PRDM10: variants seen among roughly 807,000 people sequenced by gnomAD.
PRDM10 encodes the protein PR/SET domain 10, also known as PR domain zinc finger protein 10.
A neutral mutation model predicts 133.1 loss-of-function variants in PRDM10; 65 were observed. That is an observed-to-expected ratio of 0.49 (90% CI 0.40 to 0.60). The LOEUF (loss-of-function observed/expected upper bound fraction) is 0.60, where lower values mean the gene tolerates loss of function less well. Ranked by LOEUF, PRDM10 falls within the 20% of genes least tolerant of loss-of-function variation. The pLI, the probability that PRDM10 is intolerant of heterozygous loss-of-function variation, is 0.00. For synonymous variants in PRDM10, 582 were observed against 580.4 expected (o/e 1.00, Z -0.04); for missense variants, 1,137 against 1,507.1 (o/e 0.75, Z 4.07).
At position 129,910,620 on chromosome 11, in the gene PRDM10, C is replaced by A; in HGVS notation, c.3019G>T (p.Ala1007Ser). The A allele has an allele frequency of 1.2e-6, 2 of 1,605,312 alleles. No individual in the cohort carries two copies. The highest frequency in any genetic ancestry group is 1.7e-6 in the Non-Finnish European group (2 of 1,174,650). ...GQPLSPSAQQ[A>S]QQGLSPSHIQ... ...TGGGAGGGGCTGAGCCCCTGCTGAG[C>A]CTGCTGGGCTGAGGGACTCAACGGC... The change falls in exon 19 of 21, where the codon GCT (alanine) becomes TCT (serine). Residue 1007 changes from alanine (A) to serine (S), a missense_variant. This residue lies in a region of PRDM10 where 243 missense variants were observed against 259.2 expected (regional missense o/e 0.94). Transcript: ENST00000360871.
intron 10 of PRDM10, among the ~76,000 whole-genome samples, chr11:129,931,566 A>ATTTTTTTTTTTTTTTTTTTTTT (rs1164067658): frequency 1.6e-5 from 2 of 124,404 alleles, no homozygotes. Flanking sequence ...TTTTTATTTT[A>ATTTTTTTTTTTTTTTTTTTTTT]TTTTATTTTA....
rs1161431213 is a variant in PRDM10 at position 129,947,382 on chromosome 11, T to C, written c.295-12A>G. 1.9e-6 allele frequency: 3 copies of C among 1,614,010 alleles called. No homozygotes were observed. The highest frequency in any genetic ancestry group is 2.2e-5 in the South Asian group (2 of 91,080). ...ACTGGCAATGAGGCCTGGGCAAAAG[T>C]TGAAGGCACAGAGTAAGCAGACATG... On this transcript the variant is annotated splice_polypyrimidine_tract_variant and intron_variant, in intron 4 of 20. Transcript: ENST00000360871. The surrounding 1 kb of genome is among the most constrained non-coding windows in gnomAD (Gnocchi z 4.6).
At chr11:129,944,740 C>A (rs1951348627) in intron 6 of PRDM10, 31 bp downstream of exon 6, 2 of 1,611,696 alleles carry the variant, frequency 1.2e-6, no homozygotes, top group African/African-American at 1.3e-5. Flanking sequence ...TGGTAAAGGA[C>A]AGGAGTGAAG....
intron 20 of PRDM10, among the ~76,000 whole-genome samples, chr11:129,903,252 C>T (rs979896068): frequency 3.3e-5 from 5 of 150,916 alleles, no homozygotes; most frequent in African/African-American, 4.9e-5. Context: ...GAGTTGAGAT[C>T]GTGCCATTGC....
intron 3 of PRDM10, among the ~76,000 whole-genome samples, chr11:129,955,954 T>G (rs1176310637): frequency 6.6e-6 from 1 of 152,122 alleles, no homozygotes; most frequent in Non-Finnish European, 1.5e-5. Context: ...AGACTTGTGA[T>G]GAAATGAAAA....
Position 129,947,586 on chromosome 11 carries a change from C to T in PRDM10, c.295-216G>A. 1.4e-6 allele frequency: 2 copies of T among 1,413,640 alleles called. No individual in the cohort carries two copies. Among genetic ancestry groups the T allele is most frequent in the East Asian group, 2.5e-5 (1 of 39,612 alleles). The allele number at this position is 1,413,640 out of a possible 1,614,324, so 87.6% of individuals were successfully genotyped here. A position where few individuals can be genotyped will look rare whatever the true frequency, so the allele number is the denominator to read the frequency against. Reference sequence around the variant, plus strand: ...TGCTCACAGCCTTTAAGCCTCTGCCCTCCCTCTGCCCCTTCTGTCCCACAC... The same window carrying T: ...TGCTCACAGCCTTTAAGCCTCTGCCTTCCCTCTGCCCCTTCTGTCCCACAC... On this transcript the variant is annotated intron_variant, in intron 4 of 20. Transcript: ENST00000360871. This position sits in a 1 kb window ranked among gnomAD's most constrained non-coding sequence, Gnocchi z 4.6.
chr11:129,994,270 G>GTCTTGAGACCTGAGGTCAGGAGTT (rs1565517422), intron 1 of PRDM10, among the ~76,000 whole-genome samples: 3 of 151,168 alleles, frequency 2.0e-5, no homozygotes, highest in African/African-American at 7.4e-5. Flanking sequence ...GACCAGCCTG[G>GTCTTGAGACCTGAGGTCAGGAGTT]CCAACATGGC....
At position 129,925,355 on chromosome 11, in the gene PRDM10, G is replaced by A. The variant is rs538465766; in HGVS notation, c.1531-126C>T. ...ACTTCCCATAGAAGTTCAACTCTAG[G>A]ACACACACAGTTGAAAGGAGATTTT... On this transcript the variant is annotated intron_variant, in intron 11 of 20. Coordinates refer to ENST00000360871, the MANE Select transcript of PRDM10 (RefSeq NM_199437.2). 3.4e-6 allele frequency: 3 copies of A among 876,546 alleles called. No homozygotes were observed. The South Asian group carries it at 5.6e-5, about 16-fold the overall frequency. The allele number at this position is 876,546 out of a possible 1,614,324, so 54.3% of individuals were successfully genotyped here. A position where few individuals can be genotyped will look rare whatever the true frequency, so the allele number is the denominator to read the frequency against.
intron 20 of PRDM10, among the ~76,000 whole-genome samples, chr11:129,903,871 C>A (rs1949925305): frequency 6.6e-6 from 1 of 152,046 alleles, no homozygotes; most frequent in Non-Finnish European, 1.5e-5. Context: ...GCATGAACCC[C>A]CAAAAATGGA....
chr11:129,935,077 T>C, intron 9 of PRDM10, 24 bp downstream of exon 9: 1 of 1,562,588 alleles, frequency 6.4e-7, no homozygotes. Context: ...ACTCAGTCTG[T>C]GAGCATTTCT....
At chr11:129,954,508 G>T (rs557379186) in intron 4 of PRDM10, among the ~76,000 whole-genome samples, 2 of 151,700 alleles carry the variant, frequency 1.3e-5, no homozygotes, top group Admixed American at 1.3e-4. Flanking sequence ...CAATTGATCC[G>T]CCCACCTCAG....
At chr11:129,908,823 G>C (rs186943761) in intron 19 of PRDM10, among the ~76,000 whole-genome samples, 222 of 151,908 alleles carry the variant, frequency 1.5e-3, no homozygotes, top group African/African-American at 5.3e-3. Flanking sequence ...CTGGAGTGCA[G>C]TGGCATGATC....
intron 15 of PRDM10, 22 bp downstream of exon 15, chr11:129,917,105 A>C: frequency 1.3e-6 from 2 of 1,553,248 alleles, no homozygotes; most frequent in Non-Finnish European, 1.8e-6. Flanking sequence ...GTGGCATACC[A>C]ATATGAATAT....
chr11:129,925,019 G>C lies in PRDM10; in HGVS notation c.1741C>G (p.Gln581Glu), dbSNP rs1303809681. 5 of 1,614,068 alleles carry C rather than the reference G, an allele frequency of 3.1e-6. No individual in the cohort carries two copies. The highest frequency in any genetic ancestry group is 2.5e-6 in the Non-Finnish European group (3 of 1,180,046). Reference sequence around the variant, plus strand: ...CAAAAAATGCAAGAGTAAGTCTTCTGGTCTGAGTGGAGCTTCATGTGGCTC... The same window carrying C: ...CAAAAAATGCAAGAGTAAGTCTTCTCGTCTGAGTGGAGCTTCATGTGGCTC... The part of the protein sequence containing the change: ...LESHMKLHSD[Q>E]KTYSCIFCPE... The change falls in exon 12 of 21, where the codon CAG (glutamine) becomes GAG (glutamate). Residue 581 changes from glutamine (Q) to glutamate (E), a missense_variant. By Grantham distance (29) the Gln-to-Glu change is conservative. Transcript: ENST00000360871.
intron 19 of PRDM10, among the ~76,000 whole-genome samples, chr11:129,907,288 T>A (rs1228283140): frequency 6.6e-6 from 1 of 152,144 alleles, no homozygotes; most frequent in Non-Finnish European, 1.5e-5. Context: ...ACAGCACAAA[T>A]GACCCGGTTT....
At position 129,925,188 on chromosome 11, in the gene PRDM10, C is replaced by G; in HGVS notation, c.1572G>C (p.Arg524=). The change falls in exon 12 of 21, where the codon CGG becomes CGC. Residue 524 remains arginine (R), a synonymous_variant. Coordinates refer to ENST00000360871, the MANE Select transcript of PRDM10 (RefSeq NM_199437.2). ...LQHLFIRKSF[R]PFKCLQCGKA... ...TCCCACACTGCAAGCATTTAAAAGG[C>G]CGGAAGGACTTCCGAATAAACAGAT... The G allele has an allele frequency of 6.2e-7, 1 of 1,613,366 alleles. No individual in the cohort carries two copies. Among genetic ancestry groups the G allele is most frequent in the Middle Eastern group, 1.7e-4 (1 of 6,056 alleles).
chr11:129,905,846 A>G lies in PRDM10; in HGVS notation c.3164-105T>C, dbSNP rs77574369. The stretch of plus-strand genomic sequence containing the variant: ...CACAGTCCGCACTGATTTGCTTGCC[A>G]TGAGAGTCTCACAATGATGTGATTT... On this transcript the variant is annotated intron_variant, in intron 19 of 20. Coordinates refer to ENST00000360871, the MANE Select transcript of PRDM10 (RefSeq NM_199437.2). 7.3e-4 allele frequency: 672 copies of G among 919,834 alleles called. 7 individuals are homozygous for G. The East Asian group carries it at 0.018, about 24-fold the overall frequency. 57.0% of individuals were successfully genotyped at this position (919,834 alleles called of 1,614,324 possible).
chr11:129,953,124 C>G (rs1199833259), intron 4 of PRDM10, among the ~76,000 whole-genome samples: 1 of 151,852 alleles, frequency 6.6e-6, no homozygotes, highest in East Asian at 1.9e-4. Flanking sequence ...ATTACAGGTG[C>G]CCACCACCAT....
intron 15 of PRDM10, among the ~76,000 whole-genome samples, chr11:129,916,230 C>A (rs192907355): frequency 6.6e-6 from 1 of 152,180 alleles, no homozygotes. Flanking sequence ...ATATGATGTA[C>A]GCAGCTGAAG....
Sources: gnomAD v4.1 joint callset for allele counts (sites outside exome capture counted in the v4.1 genomes callset) on GRCh38, gnomAD v4.1.1 for gene constraint, gnomAD v4.1.1 regional missense constraint, Gnocchi (gnomAD v3.1) non-coding constraint, MANE v1.5 for transcripts, NCBI Gene and HGNC (gene_info 2026-07-23, HGNC 2026-07-21) for gene names.